RNF130: variants seen among roughly 807,000 people sequenced by gnomAD.
The protein encoded by RNF130 is E3 ubiquitin-protein ligase RNF130.
RNF130 carries 21 observed loss-of-function variants against 44.6 expected under a neutral mutation model. The observed-to-expected ratio is 0.47, with a 90% CI of 0.33 to 0.68. RNF130 has a LOEUF of 0.68. Among genes scored for constraint, RNF130 ranks in the 30% least tolerant of loss-of-function variants. The pLI is 0.02. For missense variants in RNF130, 479 were observed against 560.6 expected (o/e 0.85, Z 1.47); for synonymous variants, 214 against 210.4 (o/e 1.02, Z -0.15).
chr5:179,962,814 G>T (rs1205867420), intron 8 of RNF130, among the ~76,000 whole-genome samples: 1 of 151,774 alleles, frequency 6.6e-6, no homozygotes, highest in Non-Finnish European at 1.5e-5. Context: ...AGTCCTGAGC[G>T]TGCCCTACAG....
chr5:179,951,444 C>T (rs1410937404), downstream of RNF130, among the ~76,000 whole-genome samples: 3 of 150,440 alleles, frequency 2.0e-5, no homozygotes, highest in East Asian at 3.9e-4. Context: ...AGTGCAGTGG[C>T]GCGATCTCGG....
At chr5:180,055,082 C>T (rs1346989170) in intron 1 of RNF130, among the ~76,000 whole-genome samples, 1 of 151,770 alleles carries the variant, frequency 6.6e-6, no homozygotes, top group African/African-American at 2.4e-5. Flanking sequence ...GTGGCTCACA[C>T]CTGTAATCCC....
intron 3 of RNF130, among the ~76,000 whole-genome samples, chr5:179,981,355 G>A (rs919255481): frequency 2.0e-5 from 3 of 152,200 alleles, no homozygotes; most frequent in African/African-American, 7.2e-5. Flanking sequence ...AAAGGCAGAT[G>A]CCGCTCCTGA....
intron 3 of RNF130, among the ~76,000 whole-genome samples, chr5:180,007,977 C>CA: frequency 7.3e-6 from 1 of 137,912 alleles, no homozygotes; most frequent in East Asian, 2.2e-4. Flanking sequence ...ATTTTAAAAA[C>CA]AAATCTTTTA....
At chr5:179,985,666 A>C (rs1370501417) in intron 3 of RNF130, among the ~76,000 whole-genome samples, 1 of 152,220 alleles carries the variant, frequency 6.6e-6, no homozygotes, top group Non-Finnish European at 1.5e-5. Context: ...TTTGCAATTA[A>C]AAACCGGCAG....
intron 1 of RNF130, among the ~76,000 whole-genome samples, chr5:180,060,896 C>T (rs1359898489): frequency 1.3e-5 from 2 of 151,778 alleles, no homozygotes; most frequent in Non-Finnish European, 2.9e-5. Context: ...GGTGAAACCC[C>T]GTCTCTACTA....
At chr5:180,029,809 G>A (rs963033854) in intron 2 of RNF130, among the ~76,000 whole-genome samples, 1 of 151,164 alleles carries the variant, frequency 6.6e-6, no homozygotes, top group African/African-American at 2.4e-5. Flanking sequence ...CTAAAGTGCT[G>A]AGATTACAGG....
intron 1 of RNF130, among the ~76,000 whole-genome samples, chr5:180,066,160 G>A (rs1765102846): frequency 1.3e-5 from 2 of 152,212 alleles, no homozygotes. Context: ...TCCACATGCT[G>A]TGGGAGGGAC....
At chr5:179,947,638 G>A (rs1233692867) in intron 7 of RNF130, among the ~76,000 whole-genome samples, 3 of 152,208 alleles carry the variant, frequency 2.0e-5, no homozygotes, top group African/African-American at 7.2e-5. Context: ...TAATAAGAGG[G>A]TTGTTGCAAG....
chr5:180,046,722 G>T (rs142185021), intron 1 of RNF130, among the ~76,000 whole-genome samples: 1 of 152,298 alleles, frequency 6.6e-6, no homozygotes, highest in African/African-American at 2.4e-5. Flanking sequence ...TCAGGATTCT[G>T]CCAAAATGTC....
intron 7 of RNF130, among the ~76,000 whole-genome samples, chr5:179,936,444 G>T (rs1761892215): frequency 6.6e-6 from 1 of 152,026 alleles, no homozygotes; most frequent in African/African-American, 2.4e-5. Context: ...GCCCAGGCTT[G>T]TCTTGAACGC....
At chr5:179,985,545 AT>A (rs1762935611) in intron 3 of RNF130, among the ~76,000 whole-genome samples, 1 of 152,124 alleles carries the variant, frequency 6.6e-6, no homozygotes, top group African/African-American at 2.4e-5. Flanking sequence ...ATTATCCAAT[AT>A]CAAAAAAACG....
At chr5:179,957,185 G>C (rs552460424) in intron 8 of RNF130, among the ~76,000 whole-genome samples, 1 of 152,320 alleles carries the variant, frequency 6.6e-6, no homozygotes, top group East Asian at 1.9e-4. Context: ...GCTGAGGTGG[G>C]TGGATCACCT....
chr5:179,913,853 T>C (rs1282215751), exon 8 of RNF130: 1 of 152,234 alleles, frequency 6.6e-6, no homozygotes, highest in Non-Finnish European at 1.5e-5. Flanking sequence ...GCCAGTCCCA[T>C]GCCTTGCAAA....
At chr5:179,996,089 C>T (rs1351064290) in intron 3 of RNF130, among the ~76,000 whole-genome samples, 3 of 152,170 alleles carry the variant, frequency 2.0e-5, no homozygotes, top group Admixed American at 6.5e-5. Flanking sequence ...TTATTCCTAT[C>T]CATGAACATG....
chr5:179,948,636 A>C (rs948471232), intron 7 of RNF130, among the ~76,000 whole-genome samples: 1 of 152,190 alleles, frequency 6.6e-6, no homozygotes, highest in Non-Finnish European at 1.5e-5. Flanking sequence ...ACGCCACTGC[A>C]TTCCAGCCTG....
At chr5:179,941,341 A>G (rs1761966922) in intron 7 of RNF130, among the ~76,000 whole-genome samples, 1 of 152,232 alleles carries the variant, frequency 6.6e-6, no homozygotes, top group South Asian at 2.1e-4. Flanking sequence ...GAATATGGGC[A>G]TATCACTTTA....
In RNF130 at chr5:180,071,550, C is replaced by T. The variant is rs778917888; in HGVS notation, c.153G>A (p.Pro51=). 9.5e-5 allele frequency: 134 copies of T among 1,416,582 alleles called. No homozygotes were observed. Among genetic ancestry groups the T allele is most frequent in the Non-Finnish European group, 1.1e-4 (123 of 1,077,130 alleles). 87.8% of individuals were successfully genotyped at this position (1,416,582 alleles called of 1,614,324 possible). A position where few individuals can be genotyped will look rare whatever the true frequency, so the allele number is the denominator to read the frequency against. ...VTVQEPGRGA[P]LTFRIDRGRY... ...GCCCGCGGTCGATGCGAAACGTGAG[C>T]GGGGCGCCGCGGCCGGGCTCCTGCA... Residue 51 remains proline (P), a synonymous_variant, in exon 1 of 9, where the codon CCG becomes CCA. Coordinates refer to ENST00000521389, the MANE Select transcript of RNF130 (RefSeq NM_018434.6).
chr5:179,989,430 C>A (rs1403860208), intron 3 of RNF130, among the ~76,000 whole-genome samples: 3 of 152,172 alleles, frequency 2.0e-5, no homozygotes, highest in Non-Finnish European at 4.4e-5. Context: ...TTTATGGGTG[C>A]TATGGTGTTG....
Sources: allele counts gnomAD v4.1 joint callset (sites outside exome capture counted in the v4.1 genomes callset), GRCh38; gene constraint gnomAD v4.1.1; transcripts MANE v1.5; gene names NCBI Gene and HGNC (gene_info 2026-07-23, HGNC 2026-07-21).